Variants in DHCR24 observed in about 807,000 individuals in gnomAD.
The protein encoded by DHCR24 is 24-dehydrocholesterol reductase.
In DHCR24, 28 loss-of-function variants were observed where a neutral mutation model predicts 61.2. That is an observed-to-expected ratio of 0.46 (90% CI 0.34 to 0.63). The LOEUF (loss-of-function observed/expected upper bound fraction) is 0.63, where lower values mean the gene tolerates loss of function less well. Ranked by LOEUF, DHCR24 falls within the 20% of genes least tolerant of loss-of-function variation. The pLI is 0.01. For missense variants in DHCR24, 538 were observed against 679.1 expected (o/e 0.79, Z 2.31); for synonymous variants, 261 against 275.9 (o/e 0.95, Z 0.54).
chr1:54,886,848 G>A, intron 1 of DHCR24, 41 bp downstream of exon 1: 2 of 1,568,464 alleles, frequency 1.3e-6, no homozygotes, highest in African/African-American at 1.4e-5. Flanking sequence ...CGCGCACGCC[G>A]CCTCCGGCCC....
chr1:54,867,765 G>A (rs1646975126), intron 5 of DHCR24, among the ~76,000 whole-genome samples: 2 of 152,120 alleles, frequency 1.3e-5, no homozygotes, highest in Admixed American at 1.3e-4. Context: ...GGTGCTAGGT[G>A]ACACACACTG....
chr1:54,877,379 C>T (rs1056314948), intron 2 of DHCR24, among the ~76,000 whole-genome samples: 5 of 151,142 alleles, frequency 3.3e-5, no homozygotes, highest in Admixed American at 6.6e-5. Context: ...TACTTCTAGC[C>T]GAAGTGGAAT....
intron 6 of DHCR24, among the ~76,000 whole-genome samples, chr1:54,854,755 C>T (rs116270745): frequency 5.3e-5 from 8 of 152,162 alleles, no homozygotes; most frequent in Admixed American, 2.6e-4. Flanking sequence ...GGCTCAGGTT[C>T]GACAAGGAGC....
chr1:54,876,116 CAGA>C (rs1190903935), intron 2 of DHCR24, 69 bp from the exon 3 acceptor site: 11 of 1,208,112 alleles, frequency 9.1e-6, no homozygotes, highest in Admixed American at 1.7e-5. Flanking sequence ...CTGCTGCACA[CAGA>C]AGGTGTCATC....
In DHCR24 at chr1:54,867,150, G is replaced by C. The variant is rs1326458778; in HGVS notation, c.877-1704C>G. 2.6e-5 allele frequency among the ~76,000 whole-genome samples: 4 copies of C among 152,294 alleles called. No homozygotes were observed. In the South Asian group the frequency reaches 6.2e-4, roughly 24 times the overall value. On this transcript the variant is annotated intron_variant, in intron 5 of 8. Coordinates refer to ENST00000371269, the MANE Select transcript of DHCR24 (RefSeq NM_014762.4). ...AGGCCAGGTGGCTGCATGAGCTCCAGTCCACCCCAGCCCTTGACTGCAAGC... is the reference window on the plus strand; with the variant it reads ...AGGCCAGGTGGCTGCATGAGCTCCACTCCACCCCAGCCCTTGACTGCAAGC...
At chr1:54,873,009 GTTAT>G (rs1020236472) in intron 4 of DHCR24, among the ~76,000 whole-genome samples, 9 of 152,150 alleles carry the variant, frequency 5.9e-5, no homozygotes, top group African/African-American at 1.7e-4. Flanking sequence ...CAGATCCAAG[GTTAT>G]TTAAAGTGTC....
chr1:54,871,043 G>C (rs1246693902), intron 5 of DHCR24, among the ~76,000 whole-genome samples: 7 of 152,200 alleles, frequency 4.6e-5, no homozygotes, highest in Non-Finnish European at 1.0e-4. Context: ...ACTGTGCCCA[G>C]CCTACATTAC....
chr1:54,883,848 A>G lies in DHCR24; in HGVS notation c.232-75T>C, dbSNP rs1647077600. ...GCAGCCTGCAGCCCTGCTTTCTTCA[A>G]GGGCGAGCTGGGAATGATGCCTCCA... is the stretch of plus-strand genomic sequence containing the variant. On this transcript the variant is annotated intron_variant, in intron 1 of 8. Transcript: ENST00000371269. This position sits in a 1 kb window ranked among gnomAD's most constrained non-coding sequence, Gnocchi z 4.3. 6.3e-7 allele frequency: 1 copy of G among 1,599,272 alleles called. No homozygotes were observed. Among genetic ancestry groups the G allele is most frequent in the Admixed American group, 1.7e-5 (1 of 59,916 alleles).
At chr1:54,882,758 A>G (rs1647070716) in intron 2 of DHCR24, among the ~76,000 whole-genome samples, 1 of 152,188 alleles carries the variant, frequency 6.6e-6, no homozygotes, top group Non-Finnish European at 1.5e-5. Context: ...AAAGTACTGT[A>G]TGATTCCATT....
intron 2 of DHCR24, among the ~76,000 whole-genome samples, chr1:54,882,004 A>G (rs1298351152): frequency 6.6e-6 from 1 of 152,206 alleles, no homozygotes; most frequent in Non-Finnish European, 1.5e-5. Flanking sequence ...GGAGAGGATC[A>G]GGAAAAATAA....
In DHCR24 at chr1:54,887,029, G is replaced by T; in HGVS notation, c.91C>A (p.Arg31Ser). The change falls in exon 1 of 9, where the codon CGC (arginine) becomes AGC (serine). Residue 31 changes from arginine to serine, a missense_variant. By Grantham distance (110) the Arg-to-Ser change is moderately radical (BLOSUM62 -1). Coordinates refer to ENST00000371269, the MANE Select transcript of DHCR24 (RefSeq NM_014762.4). ...KGLEFVLIHQ[R>S]WVFVCLFLLP... The stretch of plus-strand genomic sequence containing the variant: ...AGGAAGAGGCACACGAACACCCAGC[G>T]CTGGTGGATGAGCACGAACTCCAGC... 6.2e-7 allele frequency: 1 copy of T among 1,613,228 alleles called. No individual in the cohort carries two copies. The highest frequency in any genetic ancestry group is 8.5e-7 in the Non-Finnish European group (1 of 1,179,624).
At chr1:54,875,309 G>C (rs908521066) in intron 3 of DHCR24, 98 bp from the exon 4 acceptor site, 29 of 1,022,742 alleles carry the variant, frequency 2.8e-5, no homozygotes, top group Admixed American at 5.1e-5. Context: ...AGGGAGGTTT[G>C]GCAGGCTAGC....
chr1:54,880,706 C>T (rs970985038), intron 2 of DHCR24, among the ~76,000 whole-genome samples: 3 of 151,826 alleles, frequency 2.0e-5, no homozygotes, highest in South Asian at 4.2e-4. Context: ...TGGAGGTTGC[C>T]GAGAACTGAG....
intron 6 of DHCR24, among the ~76,000 whole-genome samples, chr1:54,858,621 A>G (rs1207741721): frequency 6.6e-6 from 1 of 152,098 alleles, no homozygotes; most frequent in Non-Finnish European, 1.5e-5. Context: ...TCTGTGTAGC[A>G]GTTTTATTTT....
Position 54,886,824 on chromosome 1 carries a change from C to T in DHCR24, c.231+65G>A, listed in dbSNP as rs191839666. 5.3e-5 allele frequency: 84 copies of T among 1,579,330 alleles called. 1 individual carries two copies. In the East Asian group the frequency reaches 1.6e-3, roughly 31 times the overall value. On this transcript the variant is annotated intron_variant, in intron 1 of 8. Transcript: ENST00000371269. ...CACCGCAGCTCCCGTCGCCACCTCGCGTCCCGCTATCCCCGCGCACGCCGC... is the reference window on the plus strand; with the variant it reads ...CACCGCAGCTCCCGTCGCCACCTCGTGTCCCGCTATCCCCGCGCACGCCGC...
intron 6 of DHCR24, among the ~76,000 whole-genome samples, chr1:54,859,197 G>C (rs1255090383): frequency 6.6e-6 from 1 of 152,060 alleles, no homozygotes; most frequent in Non-Finnish European, 1.5e-5. Flanking sequence ...ATGTGGCAAG[G>C]AGGTAAGGTC....
chr1:54,861,475 C>G (rs1646937957), intron 6 of DHCR24, among the ~76,000 whole-genome samples: 1 of 152,172 alleles, frequency 6.6e-6, no homozygotes, highest in African/African-American at 2.4e-5. Flanking sequence ...AGCTTACGCC[C>G]TCTAGTCCCC....
Position 54,887,161 on chromosome 1 carries a change from T to G in DHCR24, c.-42A>C. The G allele has an allele frequency of 6.7e-7, 1 of 1,502,386 alleles. No individual in the cohort carries two copies. Among genetic ancestry groups the G allele is most frequent in the Non-Finnish European group, 9.0e-7 (1 of 1,113,386 alleles). 93.1% of individuals were successfully genotyped at this position (1,502,386 alleles called of 1,614,324 possible). On this transcript the variant is annotated 5_prime_UTR_variant, in exon 1 of 9. Transcript: ENST00000371269. ...GTAAGCGCTGCGGGTTCGCGCCTCC[T>G]GTCACTGCCGCCAGCTCCGCGCCTG... is the stretch of plus-strand genomic sequence containing the variant.
At chr1:54,875,060 G>A (rs769272818) in intron 4 of DHCR24, 33 bp downstream of exon 4, 1 of 1,577,854 alleles carries the variant, frequency 6.3e-7, no homozygotes, top group Middle Eastern at 1.7e-4. Flanking sequence ...CCCAGAGCAG[G>A]CTGGCATGGA....
Sources: allele counts gnomAD v4.1 joint callset (sites outside exome capture counted in the v4.1 genomes callset), GRCh38; gene constraint gnomAD v4.1.1; non-coding constraint Gnocchi (gnomAD v3.1); transcripts MANE v1.5; gene names NCBI Gene and HGNC (gene_info 2026-07-23, HGNC 2026-07-21).